COPA: variants seen among roughly 807,000 people sequenced by gnomAD.
COPA encodes coat protein complex I subunit alpha, also known as coatomer subunit alpha.
COPA carries 10 observed loss-of-function variants against 158.7 expected under a neutral mutation model. The observed-to-expected ratio is 0.06, with a 90% CI of 0.04 to 0.11. The LOEUF (loss-of-function observed/expected upper bound fraction) is 0.11, where lower values mean the gene tolerates loss of function less well. COPA is among the 10% of genes least tolerant of loss of function. The pLI is 1.00. For missense variants in COPA, 1,065 were observed against 1,536.7 expected (o/e 0.69, Z 5.13); for synonymous variants, 462 against 542.8 (o/e 0.85, Z 2.07).
At chr1:160,304,854 T>C (rs1311270420) in intron 17 of COPA, among the ~76,000 whole-genome samples, 1 of 151,922 alleles carries the variant, frequency 6.6e-6, no homozygotes, top group African/African-American at 2.4e-5. Context: ...TCCTTAAGAG[T>C]AGAACTGACA....
chr1:160,312,063 G>GA (rs781356092), intron 10 of COPA, 45 bp from the exon 11 acceptor site: 6 of 1,590,598 alleles, frequency 3.8e-6, no homozygotes, highest in Non-Finnish European at 2.6e-6. Context: ...CTGTAGGCAA[G>GA]AAAAAAACCT....
chr1:160,317,530 C>G, intron 8 of COPA: 1 of 1,608,016 alleles, frequency 6.2e-7, no homozygotes, highest in Middle Eastern at 2.3e-4. Context: ...GACAACACAT[C>G]TCAAGAAACT....
Position 160,331,741 on chromosome 1 carries a change from A to T in COPA, c.496+707T>A, listed in dbSNP as rs552072887. Among the ~76,000 whole-genome samples the T allele has an allele frequency of 7.9e-5, 12 of 151,950 alleles. 1 individual carries two copies. The South Asian group carries it at 2.5e-3, about 32-fold the overall frequency. On this transcript the variant is annotated intron_variant, in intron 6 of 32. Transcript: ENST00000241704. ...GAGGCAGGCAGATCACAAGGTCAGG[A>T]GTTTGAGACCAGCCTGGCCAATATG... is the stretch of plus-strand genomic sequence containing the variant.
chr1:160,327,585 C>T (rs986079774), intron 6 of COPA, among the ~76,000 whole-genome samples: 2 of 151,234 alleles, frequency 1.3e-5, no homozygotes, highest in Non-Finnish European at 2.9e-5. Flanking sequence ...AGGCTGGGCA[C>T]GGTGGCTCAC....
At chr1:160,310,529 T>C (rs1407060067) in intron 11 of COPA, 2 of 236,454 alleles carry the variant, frequency 8.5e-6, no homozygotes, top group Non-Finnish European at 1.6e-5. Flanking sequence ...ACACTCACTG[T>C]AGTGAGTGGG....
chr1:160,318,468 T>TAAAAAAAAAAAAAAAAAAAA lies in COPA; in HGVS notation c.707-4363_707-4344dup, dbSNP rs71090307. 1.9e-3 allele frequency among the ~76,000 whole-genome samples: 29 copies of TAAAAAAAAAAAAAAAAAAAA among 15,542 alleles called. 1 individual carries two copies. Among genetic ancestry groups the TAAAAAAAAAAAAAAAAAAAA allele is most frequent in the Non-Finnish European group, 3.0e-3 (23 of 7,556 alleles). The allele number at this position is 15,542 out of a possible 152,430, so 10.2% of individuals were successfully genotyped here. ...GCTTCATTAAAATAAACAATATTTG[T>TAAAAAAAAAAAAAAAAAAAA]AAAAAAAAAAAAAAAAAAAAAAACA... On this transcript the variant is annotated intron_variant, in intron 8 of 32. Transcript: ENST00000241704.
At position 160,294,547 on chromosome 1, in the gene COPA, G is replaced by A; in HGVS notation, c.2613C>T (p.Gly871=). ...ATEGLGDDAL[G]KGQEEGGGWD... Reference sequence around the variant, plus strand: ...AGCCACCTCCTTCTTCCTGTCCCTTGCCAAGAGCATCATCCCCCAAACCTT... The same window carrying A: ...AGCCACCTCCTTCTTCCTGTCCCTTACCAAGAGCATCATCCCCCAAACCTT... The change falls in exon 25 of 33, where the codon GGC becomes GGT. Residue 871 remains glycine, a synonymous_variant. Coordinates refer to ENST00000241704, the MANE Select transcript of COPA (RefSeq NM_004371.4). 6.2e-7 allele frequency: 1 copy of A among 1,614,142 alleles called. No homozygotes were observed. Among genetic ancestry groups the A allele is most frequent in the Non-Finnish European group, 8.5e-7 (1 of 1,180,022 alleles).
At position 160,314,545 on chromosome 1, in the gene COPA, G is replaced by A. The variant is rs183876081; in HGVS notation, c.707-420C>T. ...ACTCAGGAGGCTGAGGGGGAGGATC[G>A]CCCAAGCCCAAAAGGTCAAGACGGC... is the stretch of plus-strand genomic sequence containing the variant. On this transcript the variant is annotated intron_variant, in intron 8 of 32. Transcript: ENST00000241704. Among the ~76,000 whole-genome samples the A allele has an allele frequency of 5.3e-5, 8 of 152,180 alleles. No homozygotes were observed. In the East Asian group the frequency reaches 5.8e-4, roughly 11 times the overall value.
At chr1:160,305,158 T>C in intron 17 of COPA, 1 of 277,684 alleles carries the variant, frequency 3.6e-6, no homozygotes, top group Non-Finnish European at 6.7e-6. Context: ...GCCGGAACTG[T>C]TCTATTTTTT....
At chr1:160,323,408 G>T (rs561538067) in intron 8 of COPA, 23 bp downstream of exon 8, 1 of 1,571,612 alleles carries the variant, frequency 6.4e-7, no homozygotes, top group South Asian at 1.2e-5. Flanking sequence ...TAGATATGGC[G>T]ATAATGTAAC....
chr1:160,316,194 C>T (rs1466988698), intron 8 of COPA, among the ~76,000 whole-genome samples: 1 of 151,922 alleles, frequency 6.6e-6, no homozygotes, highest in Non-Finnish European at 1.5e-5. Context: ...CCTGTTTCTA[C>T]TAAAAATACC....
At chr1:160,312,898 C>T (rs1265330174) in intron 10 of COPA, among the ~76,000 whole-genome samples, 187 bp downstream of exon 10, 2 of 152,130 alleles carry the variant, frequency 1.3e-5, no homozygotes, top group East Asian at 3.9e-4. Flanking sequence ...CATTTTTCAC[C>T]ACACATCATT....
chr1:160,336,462 T>G (rs978314744), intron 3 of COPA, among the ~76,000 whole-genome samples: 3 of 152,192 alleles, frequency 2.0e-5, no homozygotes, highest in African/African-American at 7.2e-5. Context: ...TGTACTCACC[T>G]GTCAAGCAAA....
chr1:160,320,794 A>G (rs1399327161), intron 8 of COPA, among the ~76,000 whole-genome samples: 1 of 35,520 alleles, frequency 2.8e-5, no homozygotes, highest in Non-Finnish European at 5.3e-5. Context: ...CAAACTCTTA[A>G]AAAAAAAAAA....
chr1:160,318,492 CAAAAAAAAAAAAAAA>C (rs1184111001), intron 8 of COPA, among the ~76,000 whole-genome samples: 1 of 58,080 alleles, frequency 1.7e-5, no homozygotes, highest in African/African-American at 1.0e-4. Context: ...AAAAAAAAAA[CAAAAAAAAAAAAAAA>C]ACACTAATGT....
intron 32 of COPA, 82 bp downstream of exon 32, chr1:160,290,410 G>T: frequency 6.6e-7 from 1 of 1,503,804 alleles, no homozygotes; most frequent in Non-Finnish European, 9.0e-7. Flanking sequence ...ACAAGCACAA[G>T]AAGAAAAAAA....
At chr1:160,314,801 G>C (rs1467086018) in intron 8 of COPA, among the ~76,000 whole-genome samples, 1 of 151,950 alleles carries the variant, frequency 6.6e-6, no homozygotes, top group African/African-American at 2.4e-5. Flanking sequence ...CTTCAGACAG[G>C]GGCCTTATCT....
chr1:160,305,312 T>C (rs1047261162), intron 17 of COPA, 121 bp downstream of exon 17: 51 of 953,732 alleles, frequency 5.3e-5, no homozygotes, highest in Non-Finnish European at 7.4e-5. Context: ...CTTGCACATA[T>C]ATGCCAGGTA....
At chr1:160,325,709 C>A in intron 6 of COPA, 57 bp from the exon 7 acceptor site, 4 of 1,231,224 alleles carry the variant, frequency 3.2e-6, no homozygotes, top group South Asian at 2.5e-5. Context: ...TCTAAAACAG[C>A]ACAGTATCAG....
Sources: gnomAD v4.1 joint callset for allele counts (sites outside exome capture counted in the v4.1 genomes callset) on GRCh38, gnomAD v4.1.1 for gene constraint, MANE v1.5 for transcripts, NCBI Gene and HGNC (gene_info 2026-07-23, HGNC 2026-07-21) for gene names.